HMCN2: variants seen among roughly 807,000 people sequenced by gnomAD.
HMCN2 encodes hemicentin-2.
Under a neutral mutation model 377.5 loss-of-function variants are expected in HMCN2, and 325 were observed. The ratio of observed to expected loss-of-function variants is 0.86; its 90% confidence interval spans 0.79 to 0.94. HMCN2 has a LOEUF of 0.94. HMCN2 is among the 40% of genes least tolerant of loss of function. HMCN2 has a pLI of 0.00. For synonymous variants in HMCN2, 2,007 were observed against 2,046.8 expected (o/e 0.98, Z 0.53); for missense variants, 4,543 against 4,725.3 (o/e 0.96, Z 1.13).
Position 130,350,586 on chromosome 9 carries a change from C to T in HMCN2, c.4431-837C>T, listed in dbSNP as rs567211468. Among the ~76,000 whole-genome samples, 32 of 149,426 alleles carry T rather than the reference C, an allele frequency of 2.1e-4. 3 individuals carry two copies. The South Asian group carries it at 6.8e-3, about 32-fold the overall frequency. ...AAAGTCCACGTAACATACAATTAGC[C>T]ATTTTAAAGTGTACAGTGGGCCAGG... On this transcript the variant is annotated intron_variant, in intron 29 of 97. Coordinates refer to ENST00000683500, the MANE Select transcript of HMCN2 (RefSeq NM_001291815.2).
In HMCN2 at chr9:130,266,143, G is replaced by A. The variant is rs1424073431; in HGVS notation, c.259+6G>A. ...GGTGCCCTTCCACGACCCAGGTAGC[G>A]CCCCCGCACCCCCGCCCGCCGGGCG... On this transcript the variant is annotated splice_donor_region_variant and intron_variant, in intron 1 of 97. Transcript: ENST00000683500. The A allele has an allele frequency of 1.3e-5, 6 of 462,346 alleles. No homozygotes were observed. Among genetic ancestry groups the A allele is most frequent in the Admixed American group, 9.4e-5 (4 of 42,442 alleles). 28.6% of individuals were successfully genotyped at this position (462,346 alleles called of 1,614,324 possible).
In HMCN2 at chr9:130,310,031, G is replaced by T. The variant is rs147718700; in HGVS notation, c.2320G>T (p.Ala774Ser). The T allele has an allele frequency of 7.5e-6, 4 of 533,712 alleles. No individual in the cohort carries two copies. Among genetic ancestry groups the T allele is most frequent in the Non-Finnish European group, 1.2e-5 (3 of 259,542 alleles). 33.1% of individuals were successfully genotyped at this position (533,712 alleles called of 1,614,324 possible). Residue 774 changes from alanine (A) to serine (S), a missense_variant, in exon 15 of 98, where the codon GCC (alanine) becomes TCC (serine). Ala to Ser is a moderately conservative substitution (Grantham distance 99). Coordinates refer to ENST00000683500, the MANE Select transcript of HMCN2 (RefSeq NM_001291815.2). ...CCGGGCTGTCAATGAGTTGGGTGAC[G>T]CCTCTGCAGAAATCCAGCTGGCGGT... is the stretch of plus-strand genomic sequence containing the variant. ...TCRAVNELGD[A>S]SAEIQLAVGH...
rs1030050970 is a variant in HMCN2, at chr9:130,329,570, G to A, written c.3359+2095G>A. Among the ~76,000 whole-genome samples the A allele has an allele frequency of 6.0e-3, 907 of 151,850 alleles. 11 individuals are homozygous for A. Among genetic ancestry groups the A allele is most frequent in the African/African-American group, 0.021 (861 of 41,386 alleles). ...TGATTCTCCTGCCTTAGGCTCCCGA[G>A]TAGCTGGGATTACAGGCACCTGCCA... On this transcript the variant is annotated intron_variant, in intron 22 of 97. Transcript: ENST00000683500.
At chr9:130,326,299 C>T (rs2131418718) in intron 21 of HMCN2, among the ~76,000 whole-genome samples, 1 of 152,168 alleles carries the variant, frequency 6.6e-6, no homozygotes, top group African/African-American at 2.4e-5. Flanking sequence ...TCTCCCTGTT[C>T]CCCCAGGCTG....
chr9:130,397,990 A>G (rs1842686808), intron 74 of HMCN2, among the ~76,000 whole-genome samples: 1 of 151,684 alleles, frequency 6.6e-6, no homozygotes, highest in African/African-American at 2.4e-5. Context: ...TCTACAAAAA[A>G]AAAAATGTTT....
intron 65 of HMCN2, 115 bp from the exon 66 acceptor site, chr9:130,391,817 GACC>G: frequency 1.6e-6 from 1 of 628,758 alleles, no homozygotes; most frequent in Non-Finnish European, 2.0e-6. Context: ...CTTCACAAGG[GACC>G]ACTGTGGTTG....
chr9:130,424,162 TATATA>T (rs1468211661), intron 87 of HMCN2, among the ~76,000 whole-genome samples: 3 of 133,104 alleles, frequency 2.3e-5, no homozygotes, highest in African/African-American at 1.0e-4. Flanking sequence ...CATATATATA[TATATA>T]TATTTTTTTT....
At chr9:130,383,391 TG>T in intron 56 of HMCN2, 112 bp from the exon 57 acceptor site, 1 of 321,820 alleles carries the variant, frequency 3.1e-6, no homozygotes, top group Non-Finnish European at 4.5e-6. Flanking sequence ...ATGAGCTGCC[TG>T]GTGCCTGCTT....
At chr9:130,338,092 GC>G (rs1252746349) in intron 23 of HMCN2, 71 bp downstream of exon 23, 3 of 152,732 alleles carry the variant, frequency 2.0e-5, no homozygotes, top group African/African-American at 7.3e-5. Flanking sequence ...GTCTCTCAGT[GC>G]CCCTCCTGCA....
At chr9:130,364,598 G>A (rs1840588608) in intron 40 of HMCN2, 116 bp from the exon 41 acceptor site, 1 of 335,686 alleles carries the variant, frequency 3.0e-6, no homozygotes, top group Non-Finnish European at 4.3e-6. Context: ...TGAAGGCAGA[G>A]GAAGGGTGGT....
At chr9:130,278,829 C>T (rs1424973629) in intron 1 of HMCN2, among the ~76,000 whole-genome samples, 1 of 150,598 alleles carries the variant, frequency 6.6e-6, no homozygotes, top group African/African-American at 2.4e-5. Flanking sequence ...GATCCACCCG[C>T]CTCGGCTTCC....
chr9:130,417,505 G>C (rs1843756497), intron 85 of HMCN2, among the ~76,000 whole-genome samples: 1 of 122,192 alleles, frequency 8.2e-6, no homozygotes, highest in African/African-American at 3.2e-5. Context: ...CTAGGTAACA[G>C]AGTGAGACTC....
At chr9:130,310,421 G>A (rs1837177720) in intron 15 of HMCN2, among the ~76,000 whole-genome samples, 1 of 152,244 alleles carries the variant, frequency 6.6e-6, no homozygotes, top group Admixed American at 6.5e-5. Context: ...TGGGCCTAGG[G>A]GATCCACTCT....
Position 130,349,675 on chromosome 9 carries a change from C to G in HMCN2, c.4430+12C>G, listed in dbSNP as rs1327383173. 7.7e-7 allele frequency: 1 copy of G among 1,300,236 alleles called. No individual in the cohort carries two copies. 80.5% of individuals were successfully genotyped at this position (1,300,236 alleles called of 1,614,324 possible). A position where few individuals can be genotyped will look rare whatever the true frequency, so the allele number is the denominator to read the frequency against. On this transcript the variant is annotated intron_variant, in intron 29 of 97. Transcript: ENST00000683500. The stretch of plus-strand genomic sequence containing the variant: ...ACCAAGGACAGGCAGTGAGTGCCCC[C>G]CTCCCCGAGGATGGCGTGTGGTGGT...
chr9:130,314,242 G>C (rs2131377670), intron 15 of HMCN2, among the ~76,000 whole-genome samples: 1 of 152,322 alleles, frequency 6.6e-6, no homozygotes, highest in South Asian at 2.1e-4. Context: ...GAGTTGGGGA[G>C]AAATGGGCTG....
At chr9:130,325,095 T>C (rs1838060095) in intron 19 of HMCN2, among the ~76,000 whole-genome samples, 1 of 81,288 alleles carries the variant, frequency 1.2e-5, no homozygotes, top group African/African-American at 5.0e-5. Context: ...TTCTTCTTCT[T>C]CTTTTTTTTT....
intron 74 of HMCN2, among the ~76,000 whole-genome samples, chr9:130,398,153 CAAAAAAAA>C (rs397940740): frequency 0.012 from 396 of 33,922 alleles, 4 homozygotes; most frequent in South Asian, 0.045. Flanking sequence ...ACTCCGTCTA[CAAAAAAAA>C]AAAAAAAAAA....
chr9:130,297,040 C>T (rs1013500648), intron 7 of HMCN2, among the ~76,000 whole-genome samples: 16 of 152,362 alleles, frequency 1.1e-4, no homozygotes, highest in African/African-American at 3.6e-4. Flanking sequence ...AGAACATCCT[C>T]CGTGCCTCCA....
At chr9:130,274,194 A>G (rs1330258981) in intron 1 of HMCN2, among the ~76,000 whole-genome samples, 1 of 151,938 alleles carries the variant, frequency 6.6e-6, no homozygotes, top group Admixed American at 6.6e-5. Flanking sequence ...CTGGGACTAC[A>G]GGTGTGCACC....
Sources: allele counts gnomAD v4.1 joint callset (sites outside exome capture counted in the v4.1 genomes callset), GRCh38; gene constraint gnomAD v4.1.1; transcripts MANE v1.5; gene names NCBI Gene and HGNC (gene_info 2026-07-23, HGNC 2026-07-21).